Variants in PEBP4 observed in about 807,000 individuals in gnomAD.
PEBP4 encodes the protein phosphatidylethanolamine binding protein 4.
PEBP4 carries 22 observed loss-of-function variants against 23.9 expected under a neutral mutation model. The observed-to-expected ratio is 0.92, with a 90% confidence interval of 0.66 to 1.31. The LOEUF (loss-of-function observed/expected upper bound fraction) is 1.31, where lower values mean the gene tolerates loss of function less well. Among genes scored for constraint, PEBP4 ranks in the 40% most tolerant of loss-of-function variants. The probability of loss-of-function intolerance (pLI) is 0.00; values close to 1 mark genes in which losing one functional copy is unlikely to be tolerated. For synonymous variants in PEBP4, 112 were observed against 99.3 expected, an observed-to-expected ratio of 1.13 and a Z score of -0.76; for missense variants, 324 against 281.7, an observed-to-expected ratio of 1.15 and a Z score of -1.07.
At chr8:22,713,916 G>T (rs896525253) in intron 6 of PEBP4, among the ~76,000 whole-genome samples, 1 of 152,238 alleles carries the variant, frequency 6.6e-6, no homozygotes, top group Non-Finnish European at 1.5e-5. Flanking sequence ...CCCTCTCCCT[G>T]CAGGCTCCCC....
intron 4 of PEBP4, among the ~76,000 whole-genome samples, chr8:22,742,069 C>T (rs886323257): frequency 2.6e-5 from 4 of 152,148 alleles, no homozygotes; most frequent in African/African-American, 7.2e-5. Context: ...GCCTCACCCT[C>T]GAAGCTAGGC....
At chr8:22,733,410 C>T (rs1180676737) in intron 4 of PEBP4, among the ~76,000 whole-genome samples, 1 of 152,182 alleles carries the variant, frequency 6.6e-6, no homozygotes, top group Admixed American at 6.5e-5. Flanking sequence ...TCCAGCGACA[C>T]TCCTCCCTCA....
chr8:22,782,163 G>T (rs1191728086), intron 4 of PEBP4, among the ~76,000 whole-genome samples: 2 of 152,152 alleles, frequency 1.3e-5, no homozygotes, highest in African/African-American at 2.4e-5. Context: ...AGGTCTCTCG[G>T]GCTGGGTGCC....
chr8:22,833,961 A>C (rs563288207), intron 3 of PEBP4, among the ~76,000 whole-genome samples: 11 of 152,326 alleles, frequency 7.2e-5, no homozygotes, highest in African/African-American at 2.6e-4. Flanking sequence ...TCTATGACTG[A>C]CTACAACCCA....
At chr8:22,787,498 T>C (rs893216460) in intron 4 of PEBP4, among the ~76,000 whole-genome samples, 1 of 152,204 alleles carries the variant, frequency 6.6e-6, no homozygotes, top group Non-Finnish European at 1.5e-5. Context: ...ATGGCACCCA[T>C]ACCCTCTCCT....
intron 3 of PEBP4, among the ~76,000 whole-genome samples, chr8:22,850,256 C>T (rs2128767096): frequency 6.6e-6 from 1 of 152,298 alleles, no homozygotes; most frequent in African/African-American, 2.4e-5. Flanking sequence ...TGATGAGACC[C>T]TCCTGAAAAC....
intron 3 of PEBP4, among the ~76,000 whole-genome samples, chr8:22,859,130 C>T (rs1161693592): frequency 6.6e-6 from 1 of 152,152 alleles, no homozygotes; most frequent in Non-Finnish European, 1.5e-5. Flanking sequence ...AATAAGTAAA[C>T]CTTTGTCTTA....
At chr8:22,764,511 G>A (rs962184170) in intron 4 of PEBP4, among the ~76,000 whole-genome samples, 2 of 152,140 alleles carry the variant, frequency 1.3e-5, no homozygotes, top group Non-Finnish European at 2.9e-5. Context: ...GCATGTGACC[G>A]GTGTAGTTGC....
intron 4 of PEBP4, among the ~76,000 whole-genome samples, chr8:22,746,328 G>T (rs918917952): frequency 6.6e-6 from 1 of 152,154 alleles, no homozygotes; most frequent in Non-Finnish European, 1.5e-5. Flanking sequence ...AGCAGATTGG[G>T]CACTTTGGGT....
intron 3 of PEBP4, among the ~76,000 whole-genome samples, chr8:22,828,207 G>C (rs980433123): frequency 4.6e-5 from 7 of 152,182 alleles, no homozygotes; most frequent in East Asian, 1.9e-4. Flanking sequence ...GGGCTACCCA[G>C]TTGGAACTCT....
At chr8:22,742,645 C>T (rs1805021506) in intron 4 of PEBP4, among the ~76,000 whole-genome samples, 1 of 152,210 alleles carries the variant, frequency 6.6e-6, no homozygotes, top group Non-Finnish European at 1.5e-5. Flanking sequence ...GCTGCCTAGA[C>T]AGTGGCAGAG....
chr8:22,940,931 T>C (rs1809605087), intron 1 of PEBP4, among the ~76,000 whole-genome samples: 1 of 152,180 alleles, frequency 6.6e-6, no homozygotes, highest in South Asian at 2.1e-4. Flanking sequence ...AGCTGTTGGG[T>C]GCTGGCTGTG....
intron 4 of PEBP4, among the ~76,000 whole-genome samples, chr8:22,800,522 C>T (rs10102908): frequency 0.019 from 2,829 of 152,196 alleles, 84 homozygotes; most frequent in African/African-American, 0.065. Context: ...ACTCTTTACT[C>T]TTCATGGCAA....
chr8:22,905,792 T>G (rs1808799319), intron 3 of PEBP4, among the ~76,000 whole-genome samples: 1 of 152,000 alleles, frequency 6.6e-6, no homozygotes, highest in Admixed American at 6.6e-5. Flanking sequence ...ATGTTGCTGG[T>G]GAATGGAAAA....
At chr8:22,884,960 T>A (rs986318274) in intron 3 of PEBP4, 6 of 152,212 alleles carry the variant, frequency 3.9e-5, no homozygotes, top group African/African-American at 1.4e-4. Flanking sequence ...GTTATCTCCA[T>A]CCTGAATCAC....
chr8:22,832,293 G>A (rs139692132), intron 3 of PEBP4, among the ~76,000 whole-genome samples: 1 of 152,310 alleles, frequency 6.6e-6, no homozygotes, highest in African/African-American at 2.4e-5. Context: ...TGGAGCCCTT[G>A]TGATGGGCTA....
At chr8:22,809,795 T>C (rs989773762) in intron 4 of PEBP4, among the ~76,000 whole-genome samples, 1 of 152,220 alleles carries the variant, frequency 6.6e-6, no homozygotes, top group Non-Finnish European at 1.5e-5. Flanking sequence ...TTGTTGTTGT[T>C]AATATGTTCT....
chr8:22,935,846 G>C (rs534070548), intron 1 of PEBP4, among the ~76,000 whole-genome samples: 1 of 152,176 alleles, frequency 6.6e-6, no homozygotes, highest in Admixed American at 6.5e-5. Context: ...CTTGTCCCAA[G>C]TGTTTTCGAT....
upstream of PEBP4, among the ~76,000 whole-genome samples, chr8:22,932,826 G>A (rs141571256): frequency 0.018 from 2,708 of 152,144 alleles, 41 homozygotes; most frequent in Non-Finnish European, 0.025. Context: ...CCAACATGGT[G>A]AAACCCCATC....
Sources: allele counts gnomAD v4.1 joint callset (sites outside exome capture counted in the v4.1 genomes callset), GRCh38; gene constraint gnomAD v4.1.1; transcripts MANE v1.5; gene names NCBI Gene and HGNC (gene_info 2026-07-23, HGNC 2026-07-21).